The following NSF variants were observed in gnomAD, a reference collection of about 807,000 sequenced individuals.
The protein encoded by NSF is vesicle-fusing ATPase.
A neutral mutation model predicts 50.3 loss-of-function variants in NSF; 14 were observed. The observed-to-expected ratio is 0.28, with a 90% CI of 0.18 to 0.44. NSF has a LOEUF of 0.44. Ranked by LOEUF, NSF falls within the 20% of genes least tolerant of loss-of-function variation. NSF has a pLI of 1.00. For missense variants in NSF, 218 were observed against 504.3 expected (o/e 0.43, Z 5.44); for synonymous variants, 109 against 175.7 (o/e 0.62, Z 3.00).
intron 17 of NSF, among the ~76,000 whole-genome samples, chr17:46,748,053 T>C (rs2059148398): frequency 6.6e-6 from 1 of 152,246 alleles, no homozygotes; most frequent in African/African-American, 2.4e-5. Flanking sequence ...ATTTGTCTTT[T>C]AGCCTTCAGT....
chr17:46,746,985 G>A (rs1039952111), intron 17 of NSF, among the ~76,000 whole-genome samples: 3 of 152,150 alleles, frequency 2.0e-5, no homozygotes, highest in African/African-American at 7.2e-5. Flanking sequence ...TGCTGGCAAC[G>A]AGGCTTTATA....
intron 8 of NSF, among the ~76,000 whole-genome samples, chr17:46,667,456 TTTTC>T (rs2058345453): frequency 6.9e-6 from 1 of 145,300 alleles, no homozygotes; most frequent in East Asian, 1.9e-4. Flanking sequence ...TCAGGTTTGA[TTTTC>T]TTTTTTTTTT....
At chr17:46,725,100 C>T (rs573820870) in intron 15 of NSF, among the ~76,000 whole-genome samples, 1 of 152,066 alleles carries the variant, frequency 6.6e-6, no homozygotes, top group African/African-American at 2.4e-5. Context: ...TAGTATAATA[C>T]AAAAATAGTA....
chr17:46,691,997 T>G (rs1279563959), intron 9 of NSF, among the ~76,000 whole-genome samples: 1 of 148,288 alleles, frequency 6.7e-6, no homozygotes, highest in Non-Finnish European at 1.5e-5. Flanking sequence ...AGTTGATCCA[T>G]CCTCCTCTGC....
intron 1 of NSF, among the ~76,000 whole-genome samples, chr17:46,600,018 C>T (rs1239283084): frequency 1.1e-4 from 6 of 53,874 alleles, no homozygotes; most frequent in Non-Finnish European, 6.6e-5. Flanking sequence ...AGTGCAGTGG[C>T]GCAGTCATAG....
intron 17 of NSF, among the ~76,000 whole-genome samples, chr17:46,747,418 C>T (rs4246416): frequency 0.11 from 16,082 of 151,900 alleles, 1,936 homozygotes; most frequent in East Asian, 0.6. Flanking sequence ...GTACCTGGGA[C>T]GACAGGCATT....
At chr17:46,747,285 C>G (rs2059139117) in intron 17 of NSF, among the ~76,000 whole-genome samples, 1 of 152,120 alleles carries the variant, frequency 6.6e-6, no homozygotes, top group South Asian at 2.1e-4. Context: ...ATAATATTCA[C>G]AAGTTTGTTT....
intron 13 of NSF, 73 bp downstream of exon 13, chr17:46,704,927 C>T (rs1223600288): frequency 6.8e-7 from 1 of 1,480,808 alleles, no homozygotes. Context: ...AAGTAAGTGC[C>T]ATTTACTCAG....
In NSF at chr17:46,694,292, T is replaced by C. The variant is rs550208816; in HGVS notation, c.1187-183T>C. ...ATTCCAGCTACTCGGAAGGCTGAGA[T>C]AGGAGAATCGCCTGAATCCAGGAGG... On this transcript the variant is annotated intron_variant, in intron 11 of 20. Coordinates refer to ENST00000398238, the MANE Select transcript of NSF (RefSeq NM_006178.4). Among the ~76,000 whole-genome samples the C allele has an allele frequency of 1.2e-4, 16 of 138,708 alleles. 5 individuals are homozygous for C. The East Asian group carries it at 5.3e-3, about 46-fold the overall frequency. 91.0% of individuals were successfully genotyped at this position (138,708 alleles called of 152,430 possible). A position where few individuals can be genotyped will look rare whatever the true frequency, so the allele number is the denominator to read the frequency against.
intron 12 of NSF, among the ~76,000 whole-genome samples, chr17:46,695,264 T>G: frequency 1.4e-5 from 2 of 144,712 alleles, no homozygotes; most frequent in Non-Finnish European, 3.0e-5. Context: ...AAAAAAAAGT[T>G]GTAATATGTC....
intron 9 of NSF, among the ~76,000 whole-genome samples, chr17:46,688,297 G>T (rs2058511864): frequency 6.6e-6 from 1 of 150,834 alleles, no homozygotes; most frequent in South Asian, 2.1e-4. Flanking sequence ...GATCACTTAA[G>T]TCTAGGAGTT....
intron 12 of NSF, among the ~76,000 whole-genome samples, chr17:46,703,680 C>CAAAAAAAAA (rs149212597): frequency 3.5e-4 from 13 of 37,640 alleles, no homozygotes; most frequent in South Asian, 1.2e-3. Context: ...GACTCCGTCT[C>CAAAAAAAAA]AAAAAAAAAA....
At chr17:46,749,743 C>A in intron 17 of NSF, 30 bp from the exon 18 acceptor site, 1 of 1,597,632 alleles carries the variant, frequency 6.3e-7, no homozygotes, top group Non-Finnish European at 8.5e-7. Flanking sequence ...TTATTATGTA[C>A]ATTTTAACAC....
intron 17 of NSF, among the ~76,000 whole-genome samples, chr17:46,735,773 G>A (rs181747751): frequency 3.3e-5 from 5 of 152,068 alleles, no homozygotes; most frequent in Non-Finnish European, 7.4e-5. Context: ...AGTGAAACCC[G>A]ATCTCTACTA....
rs189465613 is a variant in NSF at position 46,681,556 on chromosome 17, C to T, written c.945+6943C>T. On this transcript the variant is annotated intron_variant, in intron 9 of 20. Coordinates refer to ENST00000398238, the MANE Select transcript of NSF (RefSeq NM_006178.4). ...AATAACACTCAGAAATATAACATCT[C>T]GTCTTCAAAAAAAAAACCTAGTAAG... 2.7e-3 allele frequency among the ~76,000 whole-genome samples: 384 copies of T among 142,812 alleles called. 1 individual carries two copies. Among genetic ancestry groups the T allele is most frequent in the Middle Eastern group, 7.1e-3 (2 of 282 alleles). 93.7% of individuals were successfully genotyped at this position (142,812 alleles called of 152,430 possible). A position where few individuals can be genotyped will look rare whatever the true frequency, so the allele number is the denominator to read the frequency against.
At chr17:46,714,814 G>A (rs1463085184) in intron 15 of NSF, among the ~76,000 whole-genome samples, 1 of 151,982 alleles carries the variant, frequency 6.6e-6, no homozygotes, top group African/African-American at 2.4e-5. Context: ...ATCTTTTATA[G>A]ATATGAACTG....
At chr17:46,741,489 T>TAAA (rs1346398784) in intron 17 of NSF, among the ~76,000 whole-genome samples, 1 of 152,274 alleles carries the variant, frequency 6.6e-6, no homozygotes, top group African/African-American at 2.4e-5. Context: ...TGCTTCAGGG[T>TAAA]AAAATCTAAT....
chr17:46,693,522 A>T (rs1488642557), intron 10 of NSF, among the ~76,000 whole-genome samples: 1 of 150,524 alleles, frequency 6.6e-6, no homozygotes, highest in East Asian at 1.9e-4. Context: ...GGGGGAAAAA[A>T]AAAAAAAACA....
chr17:46,749,640 T>C (rs1006366485), intron 17 of NSF, 133 bp from the exon 18 acceptor site: 2 of 783,558 alleles, frequency 2.6e-6, no homozygotes, highest in Non-Finnish European at 3.8e-6. Flanking sequence ...CTGAATTGTT[T>C]TCTTCTGTTT....
Sources: allele counts gnomAD v4.1 joint callset (sites outside exome capture counted in the v4.1 genomes callset), GRCh38; gene constraint gnomAD v4.1.1; transcripts MANE v1.5; gene names NCBI Gene and HGNC (gene_info 2026-07-23, HGNC 2026-07-21).